Variants in ARPP21 observed in about 807,000 individuals in gnomAD.
ARPP21 encodes cAMP-regulated phosphoprotein 21.
ARPP21 carries 69 observed loss-of-function variants against 113.2 expected under a neutral mutation model. The observed-to-expected ratio is 0.61, with a 90% CI of 0.50 to 0.74. The LOEUF (loss-of-function observed/expected upper bound fraction) is 0.74. ARPP21 is among the 30% of genes least tolerant of loss of function. ARPP21 has a pLI of 0.00. For synonymous variants in ARPP21, 368 were observed against 375.5 expected (o/e 0.98, Z 0.23); for missense variants, 1,070 against 1,037.4 (o/e 1.03, Z -0.43).
Position 35,712,398 on chromosome 3 carries a change from A to C in ARPP21, c.898-3041A>C, listed in dbSNP as rs185670421. On this transcript the variant is annotated intron_variant, in intron 11 of 20. Transcript: ENST00000684406. The stretch of plus-strand genomic sequence containing the variant: ...GTGTATTTTTTTGCTACTTGAAGTA[A>C]AAGTAGAAAGTTCAGAAATACTTCC... 1.1e-4 allele frequency among the ~76,000 whole-genome samples: 17 copies of C among 152,292 alleles called. No individual in the cohort carries two copies. In the East Asian group the frequency reaches 3.3e-3, roughly 29 times the overall value.
intron 1 of ARPP21, among the ~76,000 whole-genome samples, chr3:35,675,659 G>A (rs1223814525): frequency 1.3e-5 from 2 of 151,864 alleles, no homozygotes; most frequent in Admixed American, 6.6e-5. Context: ...AAAGCACATT[G>A]GCTGTACATG....
At chr3:35,668,318 A>G (rs2075428817) in intron 1 of ARPP21, among the ~76,000 whole-genome samples, 1 of 152,188 alleles carries the variant, frequency 6.6e-6, no homozygotes, top group African/African-American at 2.4e-5. Context: ...TTGCAGCATC[A>G]CCTTAAGTGT....
chr3:35,778,749 G>A lies in ARPP21; in HGVS notation c.2138-13633G>A, dbSNP rs1047539593. Among the ~76,000 whole-genome samples the A allele has an allele frequency of 3.3e-5, 5 of 149,682 alleles. No individual in the cohort carries two copies. The Admixed American group carries it at 3.4e-4, about 10-fold the overall frequency. ...ACTACTAAACTGTATGGTCTGAAAC[G>A]ATCTACACAATTCCTCGAGCTTCAC... On this transcript the variant is annotated intron_variant, in intron 19 of 20. Transcript: ENST00000684406.
At chr3:35,789,347 G>A (rs918006277) in intron 19 of ARPP21, among the ~76,000 whole-genome samples, 4 of 152,142 alleles carry the variant, frequency 2.6e-5, no homozygotes, top group African/African-American at 4.8e-5. Flanking sequence ...CATCCAGACA[G>A]CTGCCTGTCT....
chr3:35,707,639 T>C (rs1450663801), intron 10 of ARPP21: 5 of 425,572 alleles, frequency 1.2e-5, no homozygotes, highest in Middle Eastern at 3.5e-4. Flanking sequence ...CTTCCCATGT[T>C]TTATGGTCCA....
At chr3:35,726,651 A>G (rs995306006) in intron 14 of ARPP21, among the ~76,000 whole-genome samples, 1 of 152,186 alleles carries the variant, frequency 6.6e-6, no homozygotes, top group African/African-American at 2.4e-5. Flanking sequence ...CCATCCTTCT[A>G]AAACCAAAAT....
intron 19 of ARPP21, chr3:35,781,407 G>A (rs1228489997): frequency 2.0e-5 from 3 of 152,186 alleles, no homozygotes; most frequent in African/African-American, 7.2e-5. Context: ...ATGATTGAAA[G>A]AGTCTTCAGG....
At chr3:35,704,830 T>C (rs529295402) in intron 9 of ARPP21, among the ~76,000 whole-genome samples, 4 of 152,044 alleles carry the variant, frequency 2.6e-5, no homozygotes, top group Non-Finnish European at 5.9e-5. Context: ...CACTAAGACT[T>C]AAGTATTTAA....
chr3:35,742,655 A>C (rs1488432217), intron 18 of ARPP21, among the ~76,000 whole-genome samples: 2 of 152,232 alleles, frequency 1.3e-5, no homozygotes, highest in African/African-American at 4.8e-5. Flanking sequence ...CTCAGGCAGC[A>C]AAATATGTTA....
chr3:35,639,024 C>A (rs1163142028), upstream of ARPP21: 1 of 152,314 alleles, frequency 6.6e-6, no homozygotes, highest in Non-Finnish European at 1.5e-5. The surrounding 1 kb of genome is among the most constrained non-coding windows in gnomAD (Gnocchi z 5.0). Flanking sequence ...GGGGCGCCCC[C>A]GAGACGGGTA....
chr3:35,686,708 A>G (rs1326640999), intron 5 of ARPP21, among the ~76,000 whole-genome samples: 1 of 151,632 alleles, frequency 6.6e-6, no homozygotes, highest in Non-Finnish European at 1.5e-5. Context: ...TCACTAGTGG[A>G]AGAAAGCTTT....
intron 19 of ARPP21, among the ~76,000 whole-genome samples, chr3:35,784,649 C>T (rs1398519873): frequency 6.6e-6 from 1 of 152,098 alleles, no homozygotes; most frequent in African/African-American, 2.4e-5. Flanking sequence ...CTACTGTTGC[C>T]TCCCAGTAGA....
At chr3:35,697,135 A>G (rs1304932377) in intron 9 of ARPP21, among the ~76,000 whole-genome samples, 2 of 151,620 alleles carry the variant, frequency 1.3e-5, no homozygotes, top group South Asian at 2.1e-4. Flanking sequence ...CTCATCCCAG[A>G]TAATTTTCAT....
intron 19 of ARPP21, among the ~76,000 whole-genome samples, chr3:35,764,706 T>A (rs995966654): frequency 2.0e-5 from 3 of 152,206 alleles, no homozygotes; most frequent in African/African-American, 7.2e-5. Context: ...GCCTAGATAA[T>A]GTTTTGTGGG....
Position 35,737,395 on chromosome 3 carries a change from G to A in ARPP21, c.1644+33G>A, listed in dbSNP as rs776797125. 25 of 1,507,628 alleles carry A rather than the reference G, an allele frequency of 1.7e-5. No individual in the cohort carries two copies. The South Asian group carries it at 1.7e-4, about 10-fold the overall frequency. The allele number at this position is 1,507,628 out of a possible 1,614,324, so 93.4% of individuals were successfully genotyped here. ...GCTGGTTGGAAGGCAGGGAAGGGAA[G>A]TACCCTGAGATGAAGGCTACATAGT... On this transcript the variant is annotated intron_variant, in intron 16 of 20. Coordinates refer to ENST00000684406, the MANE Select transcript of ARPP21 (RefSeq NM_001385562.1).
At chr3:35,787,702 C>A (rs935370336) in intron 19 of ARPP21, among the ~76,000 whole-genome samples, 3 of 152,092 alleles carry the variant, frequency 2.0e-5, no homozygotes, top group Non-Finnish European at 4.4e-5. Flanking sequence ...TAATTCTTAT[C>A]TTTTTTACTT....
intron 6 of ARPP21, 119 bp downstream of exon 6, chr3:35,688,002 G>A (rs1056173393): frequency 8.9e-6 from 8 of 894,734 alleles, no homozygotes; most frequent in Admixed American, 2.8e-5. Flanking sequence ...GATTCTATAC[G>A]TGTACGTATC....
intron 1 of ARPP21, among the ~76,000 whole-genome samples, chr3:35,667,948 A>AAAGAAGAAGAAG (rs4025938): frequency 2.6e-4 from 15 of 58,076 alleles, no homozygotes; most frequent in Admixed American, 4.3e-4. Flanking sequence ...GAGAAGAAGA[A>AAAGAAGAAGAAG]AAGAAGAAGA....
In ARPP21 at chr3:35,762,126, T is replaced by TCTCACACACACACACA. The variant is rs1424526664; in HGVS notation, c.2137+18162_2137+18163insTCACACACACACACAC. Among the ~76,000 whole-genome samples the TCTCACACACACACACA allele has an allele frequency of 5.0e-4, 64 of 127,034 alleles. 1 individual carries two copies. Among genetic ancestry groups the TCTCACACACACACACA allele is most frequent in the African/African-American group, 1.7e-3 (61 of 36,236 alleles). The allele number at this position is 127,034 out of a possible 152,430, so 83.3% of individuals were successfully genotyped here. On this transcript the variant is annotated intron_variant, in intron 19 of 20. Coordinates refer to ENST00000684406, the MANE Select transcript of ARPP21 (RefSeq NM_001385562.1). ...CTCTCTCTCTCTCTCTCTCTCTCTC[T>TCTCACACACACACACA]CACACACACACACACACACACACAC...
Sources: gnomAD v4.1 joint callset for allele counts (sites outside exome capture counted in the v4.1 genomes callset) on GRCh38, gnomAD v4.1.1 for gene constraint, Gnocchi (gnomAD v3.1) non-coding constraint, MANE v1.5 for transcripts, NCBI Gene and HGNC (gene_info 2026-07-23, HGNC 2026-07-21) for gene names.